The following MARCHF1 variants were observed in gnomAD, a reference collection of about 807,000 sequenced individuals.
MARCHF1 encodes the protein E3 ubiquitin-protein ligase MARCHF1.
A neutral mutation model predicts 54.2 loss-of-function variants in MARCHF1; 40 were observed. The observed-to-expected ratio is 0.74, with a 90% CI of 0.57 to 0.96. MARCHF1 has a LOEUF of 0.96. Among genes scored for constraint, MARCHF1 ranks in the 40% least tolerant of loss-of-function variants. MARCHF1 has a pLI of 0.00. For synonymous variants in MARCHF1, 236 were observed against 236.3 expected (o/e 1.00, Z 0.01); for missense variants, 586 against 656.5 (o/e 0.89, Z 1.17).
At chr4:164,266,862 C>A (rs373135377) in intron 1 of MARCHF1, among the ~76,000 whole-genome samples, 5 of 152,270 alleles carry the variant, frequency 3.3e-5, no homozygotes, top group East Asian at 1.9e-4. Context: ...ATGACAAATT[C>A]TTCTGCTTAG....
At chr4:163,871,252 A>G (rs1178100747) in intron 3 of MARCHF1, among the ~76,000 whole-genome samples, 1 of 152,172 alleles carries the variant, frequency 6.6e-6, no homozygotes, top group Admixed American at 6.5e-5. Context: ...TTGCGTTATG[A>G]TGTGACACTC....
chr4:164,150,263 A>G (rs1025444693), intron 1 of MARCHF1, among the ~76,000 whole-genome samples: 2 of 152,168 alleles, frequency 1.3e-5, no homozygotes, highest in African/African-American at 4.8e-5. Context: ...CTTTATTTTT[A>G]AAAACTTTGG....
chr4:163,643,323 G>A (rs893678261), intron 5 of MARCHF1, among the ~76,000 whole-genome samples: 7 of 72,302 alleles, frequency 9.7e-5, no homozygotes, highest in African/African-American at 2.5e-4. Flanking sequence ...GTGAGACCCT[G>A]TCTCAAAAAT....
At chr4:164,207,811 C>A (rs1731654684) in intron 1 of MARCHF1, among the ~76,000 whole-genome samples, 1 of 152,018 alleles carries the variant, frequency 6.6e-6, no homozygotes, top group Non-Finnish European at 1.5e-5. Context: ...CACACTGGGG[C>A]CTTTCGGAGG....
chr4:163,902,610 C>T (rs974971466), intron 3 of MARCHF1, among the ~76,000 whole-genome samples: 1 of 152,162 alleles, frequency 6.6e-6, no homozygotes, highest in African/African-American at 2.4e-5. Context: ...GAAATTCTCA[C>T]AGCACTGTCC....
chr4:164,344,311 C>T (rs1431041773), intron 1 of MARCHF1, among the ~76,000 whole-genome samples: 2 of 152,148 alleles, frequency 1.3e-5, no homozygotes, highest in Non-Finnish European at 2.9e-5. Flanking sequence ...AATCTGTACA[C>T]TAAACTCCTT....
chr4:163,763,538 T>A (rs1423987886), intron 4 of MARCHF1, among the ~76,000 whole-genome samples: 9 of 152,096 alleles, frequency 5.9e-5, no homozygotes, highest in Non-Finnish European at 1.5e-5. Flanking sequence ...AGTTTTTAAC[T>A]GGGACTATGA....
intron 3 of MARCHF1, among the ~76,000 whole-genome samples, chr4:163,942,736 G>A (rs1579410396): frequency 6.6e-6 from 1 of 152,086 alleles, no homozygotes; most frequent in East Asian, 1.9e-4. Flanking sequence ...TTATAGGAAA[G>A]AACTGATTAC....
intron 1 of MARCHF1, among the ~76,000 whole-genome samples, chr4:164,151,789 C>T (rs563942414): frequency 6.6e-6 from 1 of 152,038 alleles, no homozygotes; most frequent in Non-Finnish European, 1.5e-5. Flanking sequence ...CACGCCCCCC[C>T]CAAAAAAATA....
intron 3 of MARCHF1, among the ~76,000 whole-genome samples, chr4:163,942,999 T>C (rs189566961): frequency 6.6e-6 from 1 of 152,348 alleles, no homozygotes; most frequent in African/African-American, 2.4e-5. Flanking sequence ...GTATGTCTTC[T>C]TTTGAAAAGT....
intron 7 of MARCHF1, among the ~76,000 whole-genome samples, chr4:163,594,086 C>T (rs1292530026): frequency 2.0e-5 from 3 of 151,980 alleles, no homozygotes; most frequent in African/African-American, 4.8e-5. Context: ...CTGTTGTATG[C>T]AAAGGAGTGA....
intron 1 of MARCHF1, among the ~76,000 whole-genome samples, chr4:164,185,982 C>T (rs1032113744): frequency 2.6e-5 from 4 of 152,140 alleles, no homozygotes; most frequent in Non-Finnish European, 5.9e-5. Flanking sequence ...CAATCTCTGC[C>T]TCTGGGTTCA....
At chr4:164,342,926 G>C (rs575414415) in intron 1 of MARCHF1, among the ~76,000 whole-genome samples, 5 of 152,150 alleles carry the variant, frequency 3.3e-5, no homozygotes, top group African/African-American at 9.6e-5. Flanking sequence ...CTTATACGTG[G>C]AATCTAAAAA....
intron 1 of MARCHF1, among the ~76,000 whole-genome samples, chr4:164,230,946 T>C (rs769338761): frequency 3.3e-5 from 5 of 152,166 alleles, no homozygotes; most frequent in African/African-American, 4.8e-5. Flanking sequence ...TCTGAAAGCA[T>C]TGCTGCCTAG....
chr4:163,645,699 A>T (rs1330609628), intron 5 of MARCHF1, among the ~76,000 whole-genome samples: 1 of 152,150 alleles, frequency 6.6e-6, no homozygotes, highest in Non-Finnish European at 1.5e-5. Context: ...GAAGTAAAAA[A>T]CTCAATAGAG....
intron 9 of MARCHF1, among the ~76,000 whole-genome samples, chr4:163,535,057 G>A (rs953323406): frequency 3.3e-5 from 5 of 151,906 alleles, no homozygotes; most frequent in African/African-American, 9.7e-5. Context: ...GACCATTAGT[G>A]CAACTTTTAA....
intron 1 of MARCHF1, among the ~76,000 whole-genome samples, chr4:164,168,663 TACAC>T (rs3059785): frequency 6.4e-4 from 94 of 147,148 alleles, no homozygotes; most frequent in African/African-American, 1.7e-3. Context: ...TTATGTGGAA[TACAC>T]ACACACACAC....
rs10014142 is a variant in MARCHF1, at chr4:163,955,684, G to A, written c.-39+32817C>T. 1.9e-3 allele frequency among the ~76,000 whole-genome samples: 296 copies of A among 152,152 alleles called. 3 individuals are homozygous for A. Among genetic ancestry groups the A allele is most frequent in the African/African-American group, 7.1e-3 (294 of 41,514 alleles). On this transcript the variant is annotated intron_variant, in intron 3 of 9. Coordinates refer to ENST00000514618, the MANE Select transcript of MARCHF1 (RefSeq NM_001394959.1). The stretch of plus-strand genomic sequence containing the variant: ...CTTTCCTTTATATCTTCCCAATCCT[G>A]TTACAGCACTTATGTCATGGCTGAA...
At chr4:163,762,426 A>T (rs1746853414) in intron 4 of MARCHF1, among the ~76,000 whole-genome samples, 1 of 152,120 alleles carries the variant, frequency 6.6e-6, no homozygotes, top group Non-Finnish European at 1.5e-5. Context: ...ATTTAGAAAA[A>T]TGATCTTTTT....
Sources: allele counts gnomAD v4.1 joint callset (sites outside exome capture counted in the v4.1 genomes callset), GRCh38; gene constraint gnomAD v4.1.1; transcripts MANE v1.5; gene names NCBI Gene and HGNC (gene_info 2026-07-23, HGNC 2026-07-21).